The following ERC2 variants were observed in gnomAD, a reference collection of about 807,000 sequenced individuals.
ERC2 encodes ELKS/RAB6-interacting/CAST family member 2.
A neutral mutation model predicts 114.8 loss-of-function variants in ERC2; 42 were observed. The ratio of observed to expected loss-of-function variants is 0.37; its 90% confidence interval spans 0.29 to 0.47. The LOEUF (loss-of-function observed/expected upper bound fraction) is 0.47, where lower values mean the gene tolerates loss of function less well. Ranked by LOEUF, ERC2 falls within the 20% of genes least tolerant of loss-of-function variation. The pLI is 0.99. For synonymous variants in ERC2, 454 were observed against 425.5 expected, an observed-to-expected ratio of 1.07 and a Z score of -0.82; for missense variants, 939 against 1,150.7, an observed-to-expected ratio of 0.82 and a Z score of 2.66.
Position 55,594,990 on chromosome 3 carries a change from CTG to C in ERC2, c.*40-83716_*40-83715del, listed in dbSNP as rs199716070. ...ATTCCCACCACTACCTTCATCATCA[CTG>C]TCAAATGCCATTGAATGGTCCCCTA... On this transcript the variant is annotated intron_variant, in intron 17 of 17. Coordinates refer to ENST00000288221, the MANE Select transcript of ERC2 (RefSeq NM_015576.3). 6.9e-3 allele frequency among the ~76,000 whole-genome samples: 1,048 copies of C among 152,292 alleles called. 14 individuals are homozygous for C. The highest frequency in any genetic ancestry group is 0.023 in the African/African-American group (961 of 41,552).
At chr3:56,289,162 G>A (rs191298011) in intron 3 of ERC2, among the ~76,000 whole-genome samples, 226 of 151,748 alleles carry the variant, frequency 1.5e-3, no homozygotes, top group Non-Finnish European at 2.6e-3. Flanking sequence ...TCCTCCTGCT[G>A]ACAACCCTTG....
intron 7 of ERC2, among the ~76,000 whole-genome samples, chr3:56,052,192 A>G (rs1307913858): frequency 6.6e-6 from 1 of 152,230 alleles, no homozygotes; most frequent in Non-Finnish European, 1.5e-5. Context: ...GTAGCTTAAC[A>G]GTCATTGCAG....
intron 7 of ERC2, among the ~76,000 whole-genome samples, chr3:56,059,644 T>C (rs757385986): frequency 3.9e-5 from 6 of 152,170 alleles, no homozygotes; most frequent in Non-Finnish European, 5.9e-5. Context: ...ATTTAAGTCT[T>C]TTATCTTAAA....
At chr3:56,194,870 G>A (rs539582432) in intron 3 of ERC2, among the ~76,000 whole-genome samples, 20 of 151,356 alleles carry the variant, frequency 1.3e-4, no homozygotes, top group African/African-American at 4.6e-4. Flanking sequence ...TGCAGTCAAC[G>A]GTGTGGCACA....
intron 14 of ERC2, among the ~76,000 whole-genome samples, chr3:55,857,864 T>C (rs902804504): frequency 6.6e-6 from 1 of 152,186 alleles, no homozygotes; most frequent in Non-Finnish European, 1.5e-5. Context: ...TCTGAAATGG[T>C]TGGGTACCTC....
intron 17 of ERC2, among the ~76,000 whole-genome samples, chr3:55,528,499 C>T (rs1385576543): frequency 1.3e-5 from 2 of 152,064 alleles, no homozygotes; most frequent in Non-Finnish European, 1.5e-5. Flanking sequence ...GTGCTGGGCA[C>T]TGAGCCAGGG....
chr3:55,652,809 A>G lies in ERC2; in HGVS notation c.*39+30985T>C, dbSNP rs530337673. Among the ~76,000 whole-genome samples the G allele has an allele frequency of 9.7e-5, 14 of 144,556 alleles. No homozygotes were observed. The East Asian group carries it at 2.6e-3, about 27-fold the overall frequency. 94.8% of individuals were successfully genotyped at this position (144,556 alleles called of 152,430 possible). ...CGGGAGGCAGAGGTCGAAGTGAGCC[A>G]AGATCACGCCATTGCCCTCCAGCCC... is the stretch of plus-strand genomic sequence containing the variant. On this transcript the variant is annotated intron_variant, in intron 17 of 17. Coordinates refer to ENST00000288221, the MANE Select transcript of ERC2 (RefSeq NM_015576.3).
At chr3:55,672,308 C>A (rs1174046084) in intron 17 of ERC2, among the ~76,000 whole-genome samples, 1 of 148,398 alleles carries the variant, frequency 6.7e-6, no homozygotes, top group Non-Finnish European at 1.5e-5. Context: ...CATTGCACTC[C>A]AGCCTCGGTG....
At chr3:56,001,841 T>C (rs1190243402) in intron 10 of ERC2, among the ~76,000 whole-genome samples, 1 of 152,128 alleles carries the variant, frequency 6.6e-6, no homozygotes, top group Non-Finnish European at 1.5e-5. Flanking sequence ...ATGAAACAAT[T>C]GCAGTGGGAT....
At chr3:55,542,392 G>A (rs1034065151) in intron 17 of ERC2, among the ~76,000 whole-genome samples, 2 of 152,186 alleles carry the variant, frequency 1.3e-5, no homozygotes, top group African/African-American at 2.4e-5. Context: ...TGAAAAGAGT[G>A]CAGAAGGTAT....
intron 7 of ERC2, chr3:56,072,541 T>C (rs1406313549): frequency 6.6e-6 from 1 of 152,232 alleles, no homozygotes; most frequent in Non-Finnish European, 1.5e-5. Context: ...GGATTATACT[T>C]TTTAATTGCA....
intron 2 of ERC2, among the ~76,000 whole-genome samples, chr3:56,375,047 C>T (rs935200091): frequency 5.9e-5 from 9 of 152,138 alleles, no homozygotes; most frequent in Non-Finnish European, 4.4e-5. Flanking sequence ...TGTATTCTTC[C>T]TCAGTGCTTG....
At chr3:55,921,918 AATG>A (rs2149385173) in intron 13 of ERC2, among the ~76,000 whole-genome samples, 1 of 152,214 alleles carries the variant, frequency 6.6e-6, no homozygotes, top group South Asian at 2.1e-4. Context: ...AGCTTTGTTA[AATG>A]ATATCAGACT....
intron 14 of ERC2, among the ~76,000 whole-genome samples, chr3:55,864,212 C>CACATAT (rs1553709481): frequency 7.4e-6 from 1 of 135,320 alleles, no homozygotes; most frequent in African/African-American, 3.2e-5. Context: ...TATATACACA[C>CACATAT]ATATATACAC....
chr3:56,046,291 A>G (rs2075454023), intron 7 of ERC2, among the ~76,000 whole-genome samples: 1 of 152,214 alleles, frequency 6.6e-6, no homozygotes, highest in Non-Finnish European at 1.5e-5. Context: ...GAATTCAGAA[A>G]GCATTATTCA....
chr3:55,822,602 T>C (rs994040823), intron 14 of ERC2, among the ~76,000 whole-genome samples: 1 of 149,244 alleles, frequency 6.7e-6, no homozygotes, highest in African/African-American at 2.5e-5. Context: ...TCTCGCTCTG[T>C]CGCCCAGGCT....
intron 17 of ERC2, among the ~76,000 whole-genome samples, chr3:55,564,283 A>G (rs947385349): frequency 6.6e-6 from 1 of 152,218 alleles, no homozygotes. Flanking sequence ...AAAAGCTTGG[A>G]GGATATAAAC....
chr3:56,289,927 C>T (rs550354900), intron 3 of ERC2, among the ~76,000 whole-genome samples: 3 of 152,178 alleles, frequency 2.0e-5, no homozygotes, highest in Non-Finnish European at 4.4e-5. Context: ...CTCACTCTGC[C>T]TCTGTTTCCC....
intron 17 of ERC2, among the ~76,000 whole-genome samples, chr3:55,596,689 T>C (rs149244075): frequency 2.0e-5 from 3 of 152,260 alleles, no homozygotes; most frequent in African/African-American, 7.2e-5. Flanking sequence ...GGAAGAAATA[T>C]GCACTTGCAC....
Sources: allele counts gnomAD v4.1 joint callset (sites outside exome capture counted in the v4.1 genomes callset), GRCh38; gene constraint gnomAD v4.1.1; transcripts MANE v1.5; gene names NCBI Gene and HGNC (gene_info 2026-07-23, HGNC 2026-07-21).